The following SIGLEC1 variants were observed in gnomAD, a reference collection of about 807,000 sequenced individuals.
SIGLEC1 encodes the protein sialoadhesin.
SIGLEC1 carries 132 observed loss-of-function variants against 148.0 expected under a neutral mutation model. The ratio of observed to expected loss-of-function variants is 0.89; its 90% confidence interval spans 0.77 to 1.03. SIGLEC1 has a LOEUF of 1.03. SIGLEC1 is among the 50% of genes least tolerant of loss of function. The pLI, the probability that SIGLEC1 is intolerant of heterozygous loss-of-function variation, is 0.00. For missense variants in SIGLEC1, 2,253 were observed against 2,271.4 expected (o/e 0.99, Z 0.16); for synonymous variants, 945 against 969.0 (o/e 0.98, Z 0.46).
In SIGLEC1 at chr20:3,709,996, T is replaced by C. The variant is rs549044935; in HGVS notation, c.-110+2474A>G. ...GGTGATGGTTACACAATATTGCAAA[T>C]GTACCTAATGTCATGGGGTGTACAC... On this transcript the variant is annotated intron_variant, in intron 1 of 21. Transcript: ENST00000344754. Among the ~76,000 whole-genome samples, 12 of 152,314 alleles carry C rather than the reference T, an allele frequency of 7.9e-5. No homozygotes were observed. In the South Asian group the frequency reaches 2.3e-3, roughly 29 times the overall value.
In SIGLEC1 at chr20:3,692,733, T is replaced by A. The variant is rs1490421711; in HGVS notation, c.3818A>T (p.Glu1273Val). 1.9e-6 allele frequency: 3 copies of A among 1,612,090 alleles called. No individual in the cohort carries two copies. The highest frequency in any genetic ancestry group is 2.2e-5 in the South Asian group (2 of 91,076). ...VILAPEAAVP[E>V]GAPITVTCAD... Reference sequence around the variant, plus strand: ...ACAGGTCACTGTGATGGGGGCACCTTCAGGCACGGCAGCCTCCGGAGCCAG... The same window carrying A: ...ACAGGTCACTGTGATGGGGGCACCTACAGGCACGGCAGCCTCCGGAGCCAG... The change falls in exon 16 of 22, where the codon GAA becomes GTA. Residue 1273 changes from glutamate to valine, a missense_variant. Physicochemically the swap from Glu to Val is moderately radical, Grantham distance 121. Transcript: ENST00000344754.
chr20:3,704,646 T>C (rs1323702034), intron 4 of SIGLEC1, among the ~76,000 whole-genome samples: 1 of 152,252 alleles, frequency 6.6e-6, no homozygotes, highest in Non-Finnish European at 1.5e-5. Flanking sequence ...AAAGAGGATC[T>C]GGCTCAGTCA....
intron 1 of SIGLEC1, among the ~76,000 whole-genome samples, chr20:3,708,596 T>C (rs576279549): frequency 6.6e-6 from 1 of 151,456 alleles, no homozygotes; most frequent in Admixed American, 6.6e-5. Flanking sequence ...CAAGACTCTG[T>C]CTCTACGAAA....
chr20:3,701,727 C>T, intron 6 of SIGLEC1, 86 bp from the exon 7 acceptor site: 2 of 1,272,554 alleles, frequency 1.6e-6, no homozygotes, highest in South Asian at 3.2e-5. Context: ...CTCTGCACCG[C>T]TTTGTCCCAC....
chr20:3,689,892 GGAA>G (rs1189219664), intron 19 of SIGLEC1, 67 bp downstream of exon 19: 1 of 1,363,672 alleles, frequency 7.3e-7, no homozygotes, highest in Non-Finnish European at 1.0e-6. Flanking sequence ...ATACAGGGAA[GGAA>G]GCCTTTGGGC....
At chr20:3,707,443 C>T (rs1274921751) in intron 1 of SIGLEC1, among the ~76,000 whole-genome samples, 1 of 152,164 alleles carries the variant, frequency 6.6e-6, no homozygotes, top group Non-Finnish European at 1.5e-5. Context: ...TCTGCTTTCC[C>T]AGCCCCTCAA....
rs1568839427 is a variant in SIGLEC1, at chr20:3,692,580, C to A, written c.3971G>T (p.Cys1324Phe). 1 of 1,611,346 alleles carries A rather than the reference C, an allele frequency of 6.2e-7. No individual in the cohort carries two copies. The highest frequency in any genetic ancestry group is 8.5e-7 in the Non-Finnish European group (1 of 1,179,848). The part of the protein sequence containing the change: ...ATRAHAGAYS[C>F]QAQDAQGTRS... ...GGTGCCCTGGGCATCCTGGGCCTGG[C>A]AAGAGTAGGCGCCTGCATGAGCCCG... is the stretch of plus-strand genomic sequence containing the variant. The change falls in exon 16 of 22, where the codon TGC (cysteine) becomes TTC (phenylalanine). Residue 1324 changes from cysteine to phenylalanine, a missense_variant. Coordinates refer to ENST00000344754, the MANE Select transcript of SIGLEC1 (RefSeq NM_023068.4).
chr20:3,697,770 C>G (rs754037929), intron 9 of SIGLEC1, 28 bp downstream of exon 9: 1 of 1,604,360 alleles, frequency 6.2e-7, no homozygotes, highest in Non-Finnish European at 8.5e-7. Flanking sequence ...CCCCTGCCCC[C>G]AGGCCACCCA....
Position 3,701,548 on chromosome 20 carries a change from G to T in SIGLEC1, c.1322C>A (p.Ala441Asp). The change falls in exon 7 of 22, where the codon GCC becomes GAC. Residue 441 changes from alanine to aspartate, a missense_variant. Coordinates refer to ENST00000344754, the MANE Select transcript of SIGLEC1 (RefSeq NM_023068.4). ...LHCSVVSEPL[A>D]TLVLSHGGHI... ...ACCCCCATGTGACAGCACCAGTGTG[G>T]CCAGGGGCTCACTGACCACAGAGCA... 1 of 1,613,396 alleles carries T rather than the reference G, an allele frequency of 6.2e-7. No individual in the cohort carries two copies. The highest frequency in any genetic ancestry group is 8.5e-7 in the Non-Finnish European group (1 of 1,179,588).
chr20:3,711,901 C>T (rs955537660), intron 1 of SIGLEC1, among the ~76,000 whole-genome samples: 9 of 152,048 alleles, frequency 5.9e-5, no homozygotes, highest in Non-Finnish European at 8.8e-5. Context: ...GAGAGATTAT[C>T]GTTGGGCTGG....
chr20:3,693,880 T>C (rs555186513), intron 13 of SIGLEC1, among the ~76,000 whole-genome samples, 182 bp from the exon 14 acceptor site: 2 of 152,292 alleles, frequency 1.3e-5, no homozygotes, highest in South Asian at 4.1e-4. Context: ...CACTGGCTCC[T>C]GAGTGGTCCC....
At position 3,690,004 on chromosome 20, in the gene SIGLEC1, C is replaced by T. The variant is rs1162991415; in HGVS notation, c.4852G>A (p.Val1618Ile). The change falls in exon 19 of 22, where the codon GTC becomes ATC. Residue 1618 changes from valine (V) to isoleucine (I), a missense_variant. Transcript: ENST00000344754. ...GTGGAGGTAGAGGCAGAGCCCAGGA[C>T]ATTTGAGGCAGAACAGATGTATTCC... ...QGEYICSASN[V>I]LGSASTSTYF... is the part of the protein sequence containing the mutation. 2 of 1,613,178 alleles carry T rather than the reference C, an allele frequency of 1.2e-6. No homozygotes were observed. Among genetic ancestry groups the T allele is most frequent in the African/African-American group, 1.3e-5 (1 of 75,022 alleles).
At position 3,691,608 on chromosome 20, in the gene SIGLEC1, C is replaced by T. The variant is rs758791246; in HGVS notation, c.4331-8G>A. 40 of 1,609,994 alleles carry T rather than the reference C, an allele frequency of 2.5e-5. No homozygotes were observed. In the East Asian group the frequency reaches 2.7e-4, roughly 11 times the overall value. On this transcript the variant is annotated splice_polypyrimidine_tract_variant and splice_region_variant and intron_variant, in intron 17 of 21. Coordinates refer to ENST00000344754, the MANE Select transcript of SIGLEC1 (RefSeq NM_023068.4). ...CTGCCACCACGCGTGCACCTGCGGGCGGAGGATAGAGAGATGATTGGGGAT... is the reference window on the plus strand; with the variant it reads ...CTGCCACCACGCGTGCACCTGCGGGTGGAGGATAGAGAGATGATTGGGGAT...
chr20:3,698,028 G>T lies in SIGLEC1; in HGVS notation c.1892C>A (p.Pro631His). ...CTTGTGGAGCAGCTGCAGCCTGGCG[G>T]GGGGGTCGCTGTCCACACGGCACAA... ...LLLCRVDSDP[P>H]ARLQLLHKDR... Residue 631 changes from proline (P) to histidine (H), a missense_variant, in exon 9 of 22, where the codon CCC becomes CAC. Transcript: ENST00000344754. 3 of 1,610,116 alleles carry T rather than the reference G, an allele frequency of 1.9e-6. No homozygotes were observed. Among genetic ancestry groups the T allele is most frequent in the Non-Finnish European group, 2.5e-6 (3 of 1,178,582 alleles).
chr20:3,703,814 C>G lies in SIGLEC1; in HGVS notation c.973+11G>C. ...TTCTCTGGCCAATACGCAACCTTCC[C>G]AAGAACTCACTGAAGATGTGGAGGC... On this transcript the variant is annotated intron_variant, in intron 5 of 21. Coordinates refer to ENST00000344754, the MANE Select transcript of SIGLEC1 (RefSeq NM_023068.4). 1 of 1,613,668 alleles carries G rather than the reference C, an allele frequency of 6.2e-7. No homozygotes were observed. Among genetic ancestry groups the G allele is most frequent in the Non-Finnish European group, 8.5e-7 (1 of 1,179,970 alleles).
chr20:3,688,852 G>A (rs551154982), intron 21 of SIGLEC1: 3 of 597,346 alleles, frequency 5.0e-6, no homozygotes, highest in South Asian at 2.0e-5. Flanking sequence ...GAGTGGGGAA[G>A]AGGCCTCAGA....
chr20:3,705,162 A>G (rs1414788277), intron 4 of SIGLEC1, among the ~76,000 whole-genome samples: 2 of 151,844 alleles, frequency 1.3e-5, no homozygotes, highest in African/African-American at 4.8e-5. Context: ...ACACCCGGCT[A>G]ATTTTTGTAT....
rs771916556 is a variant in SIGLEC1 at position 3,699,319 on chromosome 20, C to T, written c.1669G>A (p.Gly557Ser). The change falls in exon 8 of 22, where the codon GGC (glycine) becomes AGC (serine). Residue 557 changes from glycine to serine, a missense_variant. Transcript: ENST00000344754. ...LNGALLHEGP[G>S]SSLLLPAASS... ...GCCGCGGGGAGCAGGAGGCTGCTGCCGGGACCCTCGTGAAGCAGGGCTCCA... is the reference window on the plus strand; with the variant it reads ...GCCGCGGGGAGCAGGAGGCTGCTGCTGGGACCCTCGTGAAGCAGGGCTCCA... 2.4e-5 allele frequency: 39 copies of T among 1,608,540 alleles called. No homozygotes were observed. The highest frequency in any genetic ancestry group is 4.5e-5 in the East Asian group (2 of 44,690).
intron 7 of SIGLEC1, among the ~76,000 whole-genome samples, chr20:3,700,553 C>T (rs909008436): frequency 6.6e-5 from 10 of 151,898 alleles, no homozygotes; most frequent in South Asian, 2.1e-4. Context: ...CATTGCACTC[C>T]GGCCTGGGCA....
Sources: allele counts gnomAD v4.1 joint callset (sites outside exome capture counted in the v4.1 genomes callset), GRCh38; gene constraint gnomAD v4.1.1; transcripts MANE v1.5; gene names NCBI Gene and HGNC (gene_info 2026-07-23, HGNC 2026-07-21).